Variants in CNR2 observed in about 807,000 individuals in gnomAD.
CNR2 encodes the protein cannabinoid receptor 2.
For synonymous variants in CNR2, 172 were observed against 182.2 expected (o/e 0.94, Z 0.45); for missense variants, 379 against 439.9 (o/e 0.86, Z 1.24).
intron 1 of CNR2, chr1:23,901,760 T>C: frequency 6.9e-7 from 1 of 1,459,538 alleles, no homozygotes; most frequent in Non-Finnish European, 9.6e-7. Context: ...CCTCTTGAGC[T>C]CAATCTTCAC....
At position 23,874,431 on chromosome 1, in the gene CNR2, T is replaced by C. The variant is rs2229585; in HGVS notation, c.*104A>G. On this transcript the variant is annotated 3_prime_UTR_variant, in exon 2 of 2. Transcript: ENST00000374472. ...GCAAAAAGGGGTCCGTGTCTAGGTG[T>C]CTGGGACTGGTTTAAGTAAGAAGAG... 0.59 allele frequency: 758,658 copies of C among 1,295,458 alleles called. 224,855 individuals are homozygous for C. Among genetic ancestry groups the C allele is most frequent in the African/African-American group, 0.76 (50,503 of 66,784 alleles). The allele number at this position is 1,295,458 out of a possible 1,614,324, so 80.2% of individuals were successfully genotyped here.
chr1:23,885,512 C>T (rs1451279593), intron 1 of CNR2, among the ~76,000 whole-genome samples: 1 of 152,112 alleles, frequency 6.6e-6, no homozygotes, highest in African/African-American at 2.4e-5. Context: ...ATTGTTGCCA[C>T]TGTTGTGATT....
Position 23,909,371 on chromosome 1 carries a change from C to T in CNR2, c.-46+3875G>A, listed in dbSNP as rs982459039. On this transcript the variant is annotated intron_variant, in intron 1 of 1. Transcript: ENST00000374472. ...AAGGCTGAGACCTGATCTTACTCTT[C>T]TGGTGGTCCCTGCAGCATAGCTGGG... Among the ~76,000 whole-genome samples, 11 of 152,162 alleles carry T rather than the reference C, an allele frequency of 7.2e-5. No individual in the cohort carries two copies. In the East Asian group the frequency reaches 2.1e-3, roughly 29 times the overall value.
intron 1 of CNR2, among the ~76,000 whole-genome samples, chr1:23,899,924 AAAGAAAG>A (rs1557532638): frequency 0.01 from 23 of 2,206 alleles, no homozygotes; most frequent in Non-Finnish European, 0.024. Context: ...AAAGAAAGAG[AAAGAAAG>A]AGAAAGAAAG....
intron 1 of CNR2, among the ~76,000 whole-genome samples, chr1:23,881,432 A>C (rs1400122224): frequency 6.6e-6 from 1 of 151,082 alleles, no homozygotes; most frequent in East Asian, 1.9e-4. Flanking sequence ...ATCTCTACTA[A>C]AAATACAAAA....
In CNR2 at chr1:23,875,225, T is replaced by C; in HGVS notation, c.393A>G (p.Arg131=). 1 of 1,614,082 alleles carries C rather than the reference T, an allele frequency of 6.2e-7. No homozygotes were observed. The highest frequency in any genetic ancestry group is 8.5e-7 in the Non-Finnish European group (1 of 1,180,018). The change falls in exon 2 of 2, where the codon CGA becomes CGG. Residue 131 remains arginine, a synonymous_variant. Coordinates refer to ENST00000374472, the MANE Select transcript of CNR2 (RefSeq NM_001841.3). ...VGSLLLTAID[R]YLCLRYPPSY... ...AAGGTGGATAGCGCAGGCAGAGGTA[T>C]CGGTCAATGGCGGTCAGCAGGAGGC...
chr1:23,888,099 A>C (rs1015560868), intron 1 of CNR2, among the ~76,000 whole-genome samples: 1 of 152,184 alleles, frequency 6.6e-6, no homozygotes, highest in Non-Finnish European at 1.5e-5. Flanking sequence ...GCCCACCTCA[A>C]AATGCTTAAA....
rs1481429478 is a variant in CNR2, at chr1:23,880,094, CT to C, written c.-45-4433del. Among the ~76,000 whole-genome samples, 8 of 152,086 alleles carry C rather than the reference CT, an allele frequency of 5.3e-5. No homozygotes were observed. In the East Asian group the frequency reaches 1.5e-3, roughly 29 times the overall value. On this transcript the variant is annotated intron_variant, in intron 1 of 1. Transcript: ENST00000374472. ...CAACATTTACTTGGCTTGCTCTCACCTTGTTTAAGTCTTTGCCCAGATCTTA... is the reference window on the plus strand; with the variant it reads ...CAACATTTACTTGGCTTGCTCTCACCTGTTTAAGTCTTTGCCCAGATCTTA...
chr1:23,898,335 C>CTT (rs557452268), intron 1 of CNR2, among the ~76,000 whole-genome samples: 2 of 108,198 alleles, frequency 1.8e-5, no homozygotes, highest in African/African-American at 7.3e-5. Context: ...CCGCGCCCGG[C>CTT]TTTTTTTTTT....
chr1:23,901,346 C>T (rs1640395427), intron 1 of CNR2: 1 of 851,666 alleles, frequency 1.2e-6, no homozygotes. Context: ...CAGAATCAAG[C>T]TTCAGTTGAC....
chr1:23,899,946 GAGAA>G (rs1395117182), intron 1 of CNR2, among the ~76,000 whole-genome samples: 2 of 5,562 alleles, frequency 3.6e-4, no homozygotes, highest in African/African-American at 4.3e-4. Flanking sequence ...AGAAAGGAAA[GAGAA>G]AGAAAGGAAA....
chr1:23,877,779 G>A (rs1242097948), intron 1 of CNR2, among the ~76,000 whole-genome samples: 1 of 151,930 alleles, frequency 6.6e-6, no homozygotes, highest in Non-Finnish European at 1.5e-5. Context: ...TGGCTAACAT[G>A]ATGAAACCCT....
chr1:23,899,697 C>G (rs909525772), intron 1 of CNR2, among the ~76,000 whole-genome samples: 11 of 148,070 alleles, frequency 7.4e-5, no homozygotes, highest in Non-Finnish European at 1.2e-4. Flanking sequence ...TGCTGTAATA[C>G]CAGCTACTCG....
In CNR2 at chr1:23,876,133, G is replaced by A. The variant is rs139701621; in HGVS notation, c.-45-471C>T. The stretch of plus-strand genomic sequence containing the variant: ...TTTGGGGATGGGATTTATGAATTTG[G>A]CTTAACATCAAGTGATGGGAAGAGA... On this transcript the variant is annotated intron_variant, in intron 1 of 1. Transcript: ENST00000374472. 1.1e-3 allele frequency among the ~76,000 whole-genome samples: 160 copies of A among 152,176 alleles called. 2 individuals carry two copies. Among genetic ancestry groups the A allele is most frequent in the African/African-American group, 3.7e-3 (154 of 41,536 alleles).
At chr1:23,891,718 A>G (rs1377300250) in intron 1 of CNR2, among the ~76,000 whole-genome samples, 1 of 151,026 alleles carries the variant, frequency 6.6e-6, no homozygotes, top group Non-Finnish European at 1.5e-5. Context: ...GTCTCCCTTT[A>G]TTGAGTCTTA....
intron 1 of CNR2, among the ~76,000 whole-genome samples, chr1:23,895,871 A>G (rs1422296228): frequency 6.6e-6 from 1 of 152,138 alleles, no homozygotes; most frequent in Non-Finnish European, 1.5e-5. Context: ...ATGACTCTGC[A>G]TAGGGTGAGG....
chr1:23,873,812 C>A lies in CNR2; in HGVS notation c.*723G>T, dbSNP rs1639809922. Reference sequence around the variant, plus strand: ...GCTTCCAGCAGCACCACCAGGACTGCTGCTGGAAGGACTTCAGAGGGTCAA... The same window carrying A: ...GCTTCCAGCAGCACCACCAGGACTGATGCTGGAAGGACTTCAGAGGGTCAA... On this transcript the variant is annotated 3_prime_UTR_variant, in exon 2 of 2. Coordinates refer to ENST00000374472, the MANE Select transcript of CNR2 (RefSeq NM_001841.3). 6.6e-6 allele frequency: 1 copy of A among 152,134 alleles called. No individual in the cohort carries two copies. The highest frequency in any genetic ancestry group is 2.4e-5 in the African/African-American group (1 of 41,416). The allele number at this position is 152,134 out of a possible 1,614,324, so 9.4% of individuals were successfully genotyped here.
At chr1:23,881,351 C>G (rs1249583665) in intron 1 of CNR2, among the ~76,000 whole-genome samples, 1 of 151,856 alleles carries the variant, frequency 6.6e-6, no homozygotes, top group African/African-American at 2.4e-5. Flanking sequence ...AATCCCAACA[C>G]TTTGAGAGGC....
At chr1:23,911,072 G>C (rs1283342075) in intron 1 of CNR2, among the ~76,000 whole-genome samples, 1 of 150,096 alleles carries the variant, frequency 6.7e-6, no homozygotes, top group Admixed American at 6.8e-5. Flanking sequence ...AGGGGTGAGA[G>C]TAGGAAGCAG....
Sources: allele counts gnomAD v4.1 joint callset (sites outside exome capture counted in the v4.1 genomes callset), GRCh38; gene constraint gnomAD v4.1.1; transcripts MANE v1.5; gene names NCBI Gene and HGNC (gene_info 2026-07-23, HGNC 2026-07-21).